Variants in CACNB1 observed in about 807,000 individuals in gnomAD.
CACNB1 encodes calcium voltage-gated channel auxiliary subunit beta 1, also known as voltage-dependent L-type calcium channel subunit beta-1.
A neutral mutation model predicts 71.6 loss-of-function variants in CACNB1; 29 were observed. That is an observed-to-expected ratio of 0.40 (90% CI 0.30 to 0.55). The LOEUF (loss-of-function observed/expected upper bound fraction) is 0.55. Ranked by LOEUF, CACNB1 falls within the 20% of genes least tolerant of loss-of-function variation. CACNB1 has a pLI of 0.38. For missense variants in CACNB1, 623 were observed against 801.8 expected, an observed-to-expected ratio of 0.78 and a Z score of 2.69; for synonymous variants, 300 against 319.6, an observed-to-expected ratio of 0.94 and a Z score of 0.65.
Position 39,184,507 on chromosome 17 carries a change from G to A in CACNB1, c.730-124C>T, listed in dbSNP as rs8070439. The A allele has an allele frequency of 1.4e-3, 928 of 675,058 alleles. 8 individuals carry two copies. In the African/African-American group the frequency reaches 0.015, roughly 11 times the overall value. The allele number at this position is 675,058 out of a possible 1,614,324, so 41.8% of individuals were successfully genotyped here. ...TTTCTTCTGGACAGGCCTTTACGGC[G>A]GGCGGGGGTCTGAGTCTGAGGGGCC... On this transcript the variant is annotated intron_variant, in intron 8 of 13. Coordinates refer to ENST00000394303, the MANE Select transcript of CACNB1 (RefSeq NM_000723.5).
chr17:39,197,330 C>A, intron 1 of CACNB1, 82 bp downstream of exon 1: 3 of 893,692 alleles, frequency 3.4e-6, no homozygotes, highest in Non-Finnish European at 4.8e-6. Context: ...ATAACCCCTT[C>A]CTCTCCCGCG....
intron 4 of CACNB1, 95 bp from the exon 5 acceptor site, chr17:39,187,024 TC>T: frequency 7.2e-7 from 1 of 1,395,262 alleles, no homozygotes; most frequent in Non-Finnish European, 9.9e-7. Flanking sequence ...CAGACTCACC[TC>T]CCAGCCCAGG....
chr17:39,196,299 C>T (rs2046199891), intron 1 of CACNB1, among the ~76,000 whole-genome samples: 1 of 152,070 alleles, frequency 6.6e-6, no homozygotes, highest in Admixed American at 6.5e-5. Context: ...CCCTACAAAC[C>T]TAGGAGGATC....
In CACNB1 at chr17:39,193,486, C is replaced by A. The variant is rs1462452181; in HGVS notation, c.171+1398G>T. 4 of 453,744 alleles carry A rather than the reference C, an allele frequency of 8.8e-6. No homozygotes were observed. In the Admixed American group the frequency reaches 9.5e-5, roughly 11 times the overall value. 28.1% of individuals were successfully genotyped at this position (453,744 alleles called of 1,614,324 possible). A position where few individuals can be genotyped will look rare whatever the true frequency, so the allele number is the denominator to read the frequency against. On this transcript the variant is annotated intron_variant, in intron 2 of 13. Coordinates refer to ENST00000394303, the MANE Select transcript of CACNB1 (RefSeq NM_000723.5). The stretch of plus-strand genomic sequence containing the variant: ...CCGGCTGGGCGCCTCCATCCCGGCA[C>A]CCTCAGTGCCTGGCCCTGCTGGCCT...
At chr17:39,184,266 G>C in intron 9 of CACNB1, 59 bp downstream of exon 9, 2 of 1,319,606 alleles carry the variant, frequency 1.5e-6, no homozygotes, top group Non-Finnish European at 2.1e-6. Flanking sequence ...GAGGCATCCT[G>C]CCCATCCCCA....
intron 2 of CACNB1, chr17:39,191,919 T>C (rs1365798847): frequency 1.1e-5 from 4 of 347,958 alleles, no homozygotes; most frequent in African/African-American, 8.9e-5. Flanking sequence ...GACGAGTCTC[T>C]ACTCCCACTG....
intron 1 of CACNB1, among the ~76,000 whole-genome samples, chr17:39,197,133 TG>T (rs2046217277): frequency 6.6e-6 from 1 of 151,754 alleles, no homozygotes; most frequent in Non-Finnish European, 1.5e-5. Flanking sequence ...CTCAGCCCAC[TG>T]AAGCTGGTGC....
chr17:39,186,723 A>G lies in CACNB1; in HGVS notation c.551+70T>C. 6.3e-7 allele frequency: 1 copy of G among 1,588,566 alleles called. No homozygotes were observed. The highest frequency in any genetic ancestry group is 8.6e-7 in the Non-Finnish European group (1 of 1,160,206). ...CCCTCAGGGCCAGGGACAACCATTGAGGCCTAGTCCAGGCTGTATGGCCTC... is the reference window on the plus strand; with the variant it reads ...CCCTCAGGGCCAGGGACAACCATTGGGGCCTAGTCCAGGCTGTATGGCCTC... On this transcript the variant is annotated intron_variant, in intron 5 of 13. Coordinates refer to ENST00000394303, the MANE Select transcript of CACNB1 (RefSeq NM_000723.5). The surrounding 1 kb of genome is among the most constrained non-coding windows in gnomAD (Gnocchi z 4.1).
Position 39,187,554 on chromosome 17 carries a change from C to T in CACNB1, c.339G>A (p.Pro113=), listed in dbSNP as rs745782403. 19 of 1,614,068 alleles carry T rather than the reference C, an allele frequency of 1.2e-5. No homozygotes were observed. The highest frequency in any genetic ancestry group is 3.3e-5 in the Admixed American group (2 of 60,010). Residue 113 remains proline (P), a synonymous_variant, in exon 4 of 14, where the codon CCG becomes CCA. Transcript: ENST00000394303. ...FAVRTNVGYN[P]SPGDEVPVQG... ...GCACAGGCACCTCATCCCCTGGAGACGGATTGTAGCCAACATTTGTCCGCA... is the reference window on the plus strand; with the variant it reads ...GCACAGGCACCTCATCCCCTGGAGATGGATTGTAGCCAACATTTGTCCGCA...
chr17:39,186,762 A>G lies in CACNB1; in HGVS notation c.551+31T>C, dbSNP rs1204115934. 1 of 1,612,268 alleles carries G rather than the reference A, an allele frequency of 6.2e-7. No homozygotes were observed. Among genetic ancestry groups the G allele is most frequent in the Non-Finnish European group, 8.5e-7 (1 of 1,179,132 alleles). Reference sequence around the variant, plus strand: ...CTGTATGGCCTCTCCTGGGGTTGGCAGCATCCCCTTCCCCTGCCCCACCCA... The same window carrying G: ...CTGTATGGCCTCTCCTGGGGTTGGCGGCATCCCCTTCCCCTGCCCCACCCA... On this transcript the variant is annotated intron_variant, in intron 5 of 13. Coordinates refer to ENST00000394303, the MANE Select transcript of CACNB1 (RefSeq NM_000723.5). The surrounding 1 kb of genome is among the most constrained non-coding windows in gnomAD (Gnocchi z 4.1).
chr17:39,187,449 C>T (rs769568835), intron 4 of CACNB1, 30 bp downstream of exon 4: 1 of 1,612,518 alleles, frequency 6.2e-7, no homozygotes, highest in East Asian at 2.2e-5. Flanking sequence ...TCCTGGCACC[C>T]ACTTCCCTGC....
chr17:39,184,014 A>G lies in CACNB1; in HGVS notation c.898+17T>C. 3 of 1,584,956 alleles carry G rather than the reference A, an allele frequency of 1.9e-6. No individual in the cohort carries two copies. The highest frequency in any genetic ancestry group is 2.6e-6 in the Non-Finnish European group (3 of 1,153,814). On this transcript the variant is annotated intron_variant, in intron 10 of 13. Coordinates refer to ENST00000394303, the MANE Select transcript of CACNB1 (RefSeq NM_000723.5). ...CGGCCCAGAAAGGGGGAGTGAAGACAGCAGGAGTAGGCTCACCCAGGCTGG... is the reference window on the plus strand; with the variant it reads ...CGGCCCAGAAAGGGGGAGTGAAGACGGCAGGAGTAGGCTCACCCAGGCTGG...
intron 3 of CACNB1, among the ~76,000 whole-genome samples, chr17:39,189,625 A>G (rs1431469773): frequency 6.6e-6 from 1 of 150,812 alleles, no homozygotes; most frequent in Non-Finnish European, 1.5e-5. Context: ...CAGCCTCCCA[A>G]GTAGCTGGGA....
At position 39,194,166 on chromosome 17, in the gene CACNB1, C is replaced by T. The variant is rs1033289703; in HGVS notation, c.171+718G>A. ...TTGGGTACCAGGCTTTGGTGAGATGCTAAGTAGTCATAGCAACCACATGCC... is the reference window on the plus strand; with the variant it reads ...TTGGGTACCAGGCTTTGGTGAGATGTTAAGTAGTCATAGCAACCACATGCC... On this transcript the variant is annotated intron_variant, in intron 2 of 13. Transcript: ENST00000394303. The surrounding 1 kb of genome is among the most constrained non-coding windows in gnomAD (Gnocchi z 4.6). Among the ~76,000 whole-genome samples the T allele has an allele frequency of 2.6e-5, 4 of 152,184 alleles. No homozygotes were observed. Among genetic ancestry groups the T allele is most frequent in the Non-Finnish European group, 4.4e-5 (3 of 68,002 alleles).
rs201986759 is a variant in CACNB1, at chr17:39,183,869, G to T, written c.899-5C>A. The T allele has an allele frequency of 6.2e-7, 1 of 1,611,426 alleles. No homozygotes were observed. Among genetic ancestry groups the T allele is most frequent in the East Asian group, 2.2e-5 (1 of 44,834 alleles). ...CGATTTCACTCTGCACCTCAGCTGG[G>T]GGCATGGAGTCATGTGGATGGGGGA... On this transcript the variant is annotated splice_polypyrimidine_tract_variant and splice_region_variant and intron_variant, in intron 10 of 13. Transcript: ENST00000394303.
At position 39,186,832 on chromosome 17, in the gene CACNB1, A is replaced by G. The variant is rs1332594960; in HGVS notation, c.512T>C (p.Leu171Pro). The G allele has an allele frequency of 1.1e-5, 17 of 1,613,988 alleles. No individual in the cohort carries two copies. The highest frequency in any genetic ancestry group is 2.2e-5 in the South Asian group (2 of 91,082). ...SPVKLDSLRL[L>P]QEQKLRQNRL... is the part of the protein sequence containing the mutation. ...GTTCTGGCGCAGCTTCTGTTCCTGC[A>G]GCAGGCGAAGGCTGTCCAGTTTGAC... Residue 171 changes from leucine (L) to proline (P), a missense_variant, in exon 5 of 14, where the codon CTG becomes CCG. Transcript: ENST00000394303. The surrounding 1 kb of genome is among the most constrained non-coding windows in gnomAD (Gnocchi z 4.1).
At chr17:39,191,401 TG>T in intron 3 of CACNB1, 72 bp downstream of exon 3, 1 of 1,465,350 alleles carries the variant, frequency 6.8e-7, no homozygotes, top group Non-Finnish European at 9.1e-7. Flanking sequence ...GCCCTGGTTC[TG>T]TCTGGGCTCT....
At chr17:39,196,724 C>T (rs1338070702) in intron 1 of CACNB1, among the ~76,000 whole-genome samples, 1 of 151,196 alleles carries the variant, frequency 6.6e-6, no homozygotes, top group African/African-American at 2.4e-5. Context: ...GGTAAAACAG[C>T]TTCCCCCCCT....
intron 1 of CACNB1, among the ~76,000 whole-genome samples, chr17:39,196,586 G>A (rs2046204444): frequency 2.0e-5 from 3 of 152,194 alleles, no homozygotes; most frequent in Non-Finnish European, 4.4e-5. Context: ...ATCCCCTGGC[G>A]CGACCATCCC....
Sources: gnomAD v4.1 joint callset for allele counts (sites outside exome capture counted in the v4.1 genomes callset) on GRCh38, gnomAD v4.1.1 for gene constraint, Gnocchi (gnomAD v3.1) non-coding constraint, MANE v1.5 for transcripts, NCBI Gene and HGNC (gene_info 2026-07-23, HGNC 2026-07-21) for gene names.